Variants in UPF2 observed in about 807,000 individuals in gnomAD.
UPF2 encodes regulator of nonsense transcripts 2.
In UPF2, 17 loss-of-function variants were observed where a neutral mutation model predicts 141.4. The ratio of observed to expected loss-of-function variants is 0.12; its 90% CI spans 0.08 to 0.18. UPF2 has a LOEUF of 0.18. UPF2 is among the 10% of genes least tolerant of loss of function. UPF2 has a pLI of 1.00. For synonymous variants in UPF2, 540 were observed against 498.0 expected, an observed-to-expected ratio of 1.08 and a Z score of -1.12; for missense variants, 1,152 against 1,515.9, an observed-to-expected ratio of 0.76 and a Z score of 3.99.
At chr10:12,020,583 AATGTCTTTCAG>A (rs1311762716) in intron 3 of UPF2, among the ~76,000 whole-genome samples, 1 of 152,234 alleles carries the variant, frequency 6.6e-6, no homozygotes, top group East Asian at 1.9e-4. Flanking sequence ...TTCTCATTCA[AATGTCTTTCAG>A]AAAGGTCAGG....
In UPF2 at chr10:11,951,696, GGAAATAATGCCT is replaced by G. The variant is rs1182362987; in HGVS notation, c.3034+358_3034+369del. The stretch of plus-strand genomic sequence containing the variant: ...ACAGTTTCTTTGCTTGCACTTTCTA[GGAAATAATGCCT>G]GTTGAAAATATATACGCAAAAATAA... On this transcript the variant is annotated intron_variant, in intron 15 of 21. Coordinates refer to ENST00000357604, the MANE Select transcript of UPF2 (RefSeq NM_015542.4). 5.9e-5 allele frequency among the ~76,000 whole-genome samples: 9 copies of G among 152,182 alleles called. 1 individual carries two copies. Among genetic ancestry groups the G allele is most frequent in the African/African-American group, 1.9e-4 (8 of 41,516 alleles).
chr10:12,001,617 G>A, intron 6 of UPF2, 59 bp downstream of exon 6: 11 of 1,460,590 alleles, frequency 7.5e-6, no homozygotes, highest in Admixed American at 2.3e-5. Context: ...ATATTCTTAG[G>A]CAAGAGCTCT....
intron 8 of UPF2, among the ~76,000 whole-genome samples, chr10:11,993,999 G>A (rs988499822): frequency 3.8e-4 from 57 of 151,644 alleles, no homozygotes; most frequent in Non-Finnish European, 6.2e-4. Flanking sequence ...TAAAAAAAAA[G>A]AACCAAGAGA....
chr10:11,975,909 T>G (rs1833500295), intron 9 of UPF2, among the ~76,000 whole-genome samples: 1 of 152,202 alleles, frequency 6.6e-6, no homozygotes, highest in South Asian at 2.1e-4. Flanking sequence ...CTGTTGGGCT[T>G]TCAGATGATC....
chr10:11,985,908 G>T (rs1237264350), intron 8 of UPF2, among the ~76,000 whole-genome samples: 2 of 23,008 alleles, frequency 8.7e-5, no homozygotes, highest in African/African-American at 1.2e-3. Flanking sequence ...TTTGTGAGAC[G>T]GAATCTCGCT....
Position 11,931,912 on chromosome 10 carries a change from A to C in UPF2, c.3547-130T>G. The C allele has an allele frequency of 1.0e-6, 1 of 980,022 alleles. No homozygotes were observed. 60.7% of individuals were successfully genotyped at this position (980,022 alleles called of 1,614,324 possible). On this transcript the variant is annotated intron_variant, in intron 19 of 21. Coordinates refer to ENST00000357604, the MANE Select transcript of UPF2 (RefSeq NM_015542.4). This position sits in a 1 kb window ranked among gnomAD's most constrained non-coding sequence, Gnocchi z 5.9. ...ACGCCTGTAATCCCAGCACTTTGGG[A>C]GGCCGAGGCGGGCGGATCACGAGGT...
At chr10:12,011,356 G>A (rs1266054633) in intron 4 of UPF2, among the ~76,000 whole-genome samples, 1 of 151,972 alleles carries the variant, frequency 6.6e-6, no homozygotes, top group African/African-American at 2.4e-5. Context: ...CCCAGCACTT[G>A]GGGAGGGTGA....
At position 11,931,993 on chromosome 10, in the gene UPF2, A is replaced by T. The variant is rs1469914916; in HGVS notation, c.3547-211T>A. On this transcript the variant is annotated intron_variant, in intron 19 of 21. Transcript: ENST00000357604. This position sits in a 1 kb window ranked among gnomAD's most constrained non-coding sequence, Gnocchi z 5.9. Reference sequence around the variant, plus strand: ...ATGAAACCCCGTCTTTACTAAAAACACAAAAATTAGCTGGGTGTGGTGGCA... The same window carrying T: ...ATGAAACCCCGTCTTTACTAAAAACTCAAAAATTAGCTGGGTGTGGTGGCA... Among the ~76,000 whole-genome samples, 1 of 152,144 alleles carries T rather than the reference A, an allele frequency of 6.6e-6. No homozygotes were observed. The highest frequency in any genetic ancestry group is 1.5e-5 in the Non-Finnish European group (1 of 68,010).
intron 3 of UPF2, among the ~76,000 whole-genome samples, chr10:12,017,772 T>C (rs949533372): frequency 3.3e-5 from 5 of 152,230 alleles, no homozygotes; most frequent in Admixed American, 3.3e-4. Flanking sequence ...CTTTAAGTTC[T>C]GGGATACATG....
At chr10:11,969,167 C>CA (rs1554777918) in intron 9 of UPF2, among the ~76,000 whole-genome samples, 9 of 149,186 alleles carry the variant, frequency 6.0e-5, no homozygotes, top group African/African-American at 2.0e-4. Flanking sequence ...CAGCCTAGAA[C>CA]TTTTTTTTTT....
rs1027867460 is a variant in UPF2 at position 11,992,097 on chromosome 10, T to G, written c.1844+5575A>C. ...AGGCAGAGGTTGCAGTGAGCCAAGA[T>G]CGCGCCACTGCACTCCAGCATGGGC... On this transcript the variant is annotated intron_variant, in intron 8 of 21. Transcript: ENST00000357604. This position sits in a 1 kb window ranked among gnomAD's most constrained non-coding sequence, Gnocchi z 4.1. 6.6e-6 allele frequency among the ~76,000 whole-genome samples: 1 copy of G among 151,352 alleles called. No homozygotes were observed. Among genetic ancestry groups the G allele is most frequent in the African/African-American group, 2.4e-5 (1 of 41,106 alleles).
In UPF2 at chr10:11,979,306, T is replaced by A; in HGVS notation, c.1845-141A>T. 1 of 538,216 alleles carries A rather than the reference T, an allele frequency of 1.9e-6. No individual in the cohort carries two copies. The highest frequency in any genetic ancestry group is 3.2e-6 in the Non-Finnish European group (1 of 311,060). 33.3% of individuals were successfully genotyped at this position (538,216 alleles called of 1,614,324 possible). A position where few individuals can be genotyped will look rare whatever the true frequency, so the allele number is the denominator to read the frequency against. ...ATACAGACATGCCTATTTATTGCCA[T>A]CATAAAGAAGTGTTTGAAAATTCAA... is the stretch of plus-strand genomic sequence containing the variant. On this transcript the variant is annotated intron_variant, in intron 8 of 21. Coordinates refer to ENST00000357604, the MANE Select transcript of UPF2 (RefSeq NM_015542.4). The surrounding 1 kb of genome is among the most constrained non-coding windows in gnomAD (Gnocchi z 6.2).
Position 12,001,821 on chromosome 10 carries a change from T to G in UPF2, c.1509A>C (p.Ala503=). Residue 503 remains alanine, a synonymous_variant, in exon 6 of 22, where the codon GCA becomes GCC. Coordinates refer to ENST00000357604, the MANE Select transcript of UPF2 (RefSeq NM_015542.4). ...CCTCCTTATTCTCCTTAGATTCTTT[T>G]GCCTCTGTTGAAAAACAAACAAGTA... ...KESNKDDTKE[A]KESKENKEVS... 6.3e-7 allele frequency: 1 copy of G among 1,586,546 alleles called. No individual in the cohort carries two copies. Among genetic ancestry groups the G allele is most frequent in the Non-Finnish European group, 8.5e-7 (1 of 1,170,044 alleles).
intron 8 of UPF2, among the ~76,000 whole-genome samples, chr10:11,991,913 A>T (rs10906043): frequency 0.38 from 58,476 of 151,994 alleles, 13,624 homozygotes; most frequent in Non-Finnish European, 0.51. Context: ...TGGGAGGCTG[A>T]GGTGAGCGGA....
At position 11,963,888 on chromosome 10, in the gene UPF2, A is replaced by G. The variant is rs144083623; in HGVS notation, c.2184+121T>C. 5.2e-4 allele frequency: 352 copies of G among 671,542 alleles called. 1 individual carries two copies. Among genetic ancestry groups the G allele is most frequent in the African/African-American group, 5.1e-3 (281 of 55,010 alleles). 41.6% of individuals were successfully genotyped at this position (671,542 alleles called of 1,614,324 possible). A position where few individuals can be genotyped will look rare whatever the true frequency, so the allele number is the denominator to read the frequency against. On this transcript the variant is annotated intron_variant, in intron 11 of 21. Transcript: ENST00000357604. ...CATATGTATGGGATGTTCCACTTTA[A>G]GTAGAAATGTTTGTATTCATATGAA...
intron 4 of UPF2, among the ~76,000 whole-genome samples, chr10:12,006,747 G>C (rs1365246232): frequency 1.3e-5 from 2 of 152,116 alleles, no homozygotes; most frequent in Non-Finnish European, 2.9e-5. Flanking sequence ...GTTTGTCCTT[G>C]GTTCCTGGCA....
chr10:12,001,564 A>G (rs1008371029), intron 6 of UPF2, 112 bp downstream of exon 6: 3 of 1,103,104 alleles, frequency 2.7e-6, no homozygotes, highest in Non-Finnish European at 3.7e-6. Flanking sequence ...AAACAACAGA[A>G]AAACAAGGAA....
chr10:11,952,609 G>A (rs575109095), intron 14 of UPF2, among the ~76,000 whole-genome samples: 1 of 151,432 alleles, frequency 6.6e-6, no homozygotes, highest in South Asian at 2.1e-4. Flanking sequence ...CGAGCAGCTG[G>A]GACTACAGGT....
chr10:11,938,858 T>TTG (rs1832892445), intron 18 of UPF2, among the ~76,000 whole-genome samples: 2 of 69,410 alleles, frequency 2.9e-5, no homozygotes, highest in Non-Finnish European at 2.6e-5. Context: ...TTTTTGTTTT[T>TTG]TTTTTTTTTT....
Sources: allele counts gnomAD v4.1 joint callset (sites outside exome capture counted in the v4.1 genomes callset), GRCh38; gene constraint gnomAD v4.1.1; non-coding constraint Gnocchi (gnomAD v3.1); transcripts MANE v1.5; gene names NCBI Gene and HGNC (gene_info 2026-07-23, HGNC 2026-07-21).